Variants in NELL1 observed in about 807,000 individuals in gnomAD.
NELL1 encodes neural EGFL like 1.
A neutral mutation model predicts 107.4 loss-of-function variants in NELL1; 76 were observed. The observed-to-expected ratio is 0.71, with a 90% CI of 0.59 to 0.86. The LOEUF is 0.86. Ranked by LOEUF, NELL1 falls within the 40% of genes least tolerant of loss-of-function variation. The pLI, the probability that NELL1 is intolerant of heterozygous loss-of-function variation, is 0.00. For missense variants in NELL1, 1,024 were observed against 1,005.5 expected (o/e 1.02, Z -0.25); for synonymous variants, 353 against 341.2 (o/e 1.03, Z -0.38).
At chr11:21,145,922 C>T (rs1855968415) in intron 13 of NELL1, among the ~76,000 whole-genome samples, 1 of 152,144 alleles carries the variant, frequency 6.6e-6, no homozygotes, top group Non-Finnish European at 1.5e-5. Context: ...TTCCCTCATT[C>T]TATCTTCAGG....
At position 20,826,735 on chromosome 11, in the gene NELL1, C is replaced by T. The variant is rs981837316; in HGVS notation, c.336-20848C>T. ...TCCCTGAAGTTATTGCCATAAAAAC[C>T]CCTCCAAGCAAGAATCAGCCTTAGT... On this transcript the variant is annotated intron_variant, in intron 3 of 19. Transcript: ENST00000357134. 4.6e-5 allele frequency among the ~76,000 whole-genome samples: 7 copies of T among 151,006 alleles called. 1 individual carries two copies. The Admixed American group carries it at 4.7e-4, about 10-fold the overall frequency.
intron 15 of NELL1, among the ~76,000 whole-genome samples, chr11:21,465,901 T>C (rs1372558300): frequency 6.6e-6 from 1 of 152,080 alleles, no homozygotes; most frequent in African/African-American, 2.4e-5. Context: ...AGAGAAGTAT[T>C]TCTTATGCGT....
intron 13 of NELL1, among the ~76,000 whole-genome samples, chr11:21,226,067 T>C (rs1288095686): frequency 1.3e-5 from 2 of 152,192 alleles, no homozygotes; most frequent in Non-Finnish European, 2.9e-5. Context: ...TCATATCTTT[T>C]GCAGCATCCT....
intron 2 of NELL1, among the ~76,000 whole-genome samples, chr11:20,681,795 A>T (rs1304505156): frequency 6.6e-6 from 1 of 152,034 alleles, no homozygotes; most frequent in Non-Finnish European, 1.5e-5. Context: ...CTGAATATTC[A>T]TTCAGTTCAT....
chr11:21,338,623 C>T (rs530148775), intron 14 of NELL1, among the ~76,000 whole-genome samples: 11 of 152,108 alleles, frequency 7.2e-5, no homozygotes, highest in Non-Finnish European at 1.2e-4. Context: ...TCTGAATCCT[C>T]ATAAAATAGC....
chr11:21,455,312 C>CTTTTTTTTTTT (rs1564902597), intron 15 of NELL1, among the ~76,000 whole-genome samples: 4 of 93,372 alleles, frequency 4.3e-5, no homozygotes, highest in Non-Finnish European at 8.4e-5. Flanking sequence ...TTTTTTTTTT[C>CTTTTTTTTTTT]TTTTATTCTT....
chr11:20,722,013 G>GTC (rs202127814), intron 2 of NELL1, among the ~76,000 whole-genome samples: 1 of 110,828 alleles, frequency 9.0e-6, no homozygotes, highest in African/African-American at 2.8e-5. Flanking sequence ...ACCTTTCTGA[G>GTC]TCTCTCTTTT....
chr11:20,706,467 A>G (rs772105568), intron 2 of NELL1, among the ~76,000 whole-genome samples: 2 of 143,770 alleles, frequency 1.4e-5, no homozygotes, highest in Non-Finnish European at 3.0e-5. Context: ...GGATTGAACA[A>G]TGAGAACACA....
chr11:21,251,727 C>A (rs1265682268), intron 14 of NELL1, among the ~76,000 whole-genome samples: 1 of 151,990 alleles, frequency 6.6e-6, no homozygotes, highest in Non-Finnish European at 1.5e-5. Context: ...TGATCATAGT[C>A]CAGGTAAACT....
chr11:20,925,495 G>A (rs537337689), intron 7 of NELL1, among the ~76,000 whole-genome samples: 2 of 149,206 alleles, frequency 1.3e-5, no homozygotes, highest in South Asian at 4.3e-4. Context: ...CATGTTGGCT[G>A]GGTTGGTCTC....
chr11:20,989,866 G>A (rs530246048), intron 12 of NELL1, among the ~76,000 whole-genome samples: 398 of 152,012 alleles, frequency 2.6e-3, no homozygotes, highest in African/African-American at 9.0e-3. Flanking sequence ...GCATGGTGGC[G>A]GGCGCCTGTA....
At chr11:21,415,734 C>T (rs538518764) in intron 15 of NELL1, among the ~76,000 whole-genome samples, 7 of 152,054 alleles carry the variant, frequency 4.6e-5, no homozygotes, top group Non-Finnish European at 5.9e-5. Context: ...TTTGCTTAAA[C>T]TTAAGAGGTT....
At position 21,564,118 on chromosome 11, in the gene NELL1, A is replaced by G. The variant is rs149196505; in HGVS notation, c.1980+3736A>G. Among the ~76,000 whole-genome samples the G allele has an allele frequency of 3.9e-5, 6 of 152,074 alleles. No homozygotes were observed. In the East Asian group the frequency reaches 1.2e-3, roughly 30 times the overall value. Reference sequence around the variant, plus strand: ...ATCCTGTGGGCAGCAAATGATCGTAAGAGATTTTACGTTTGGAATTGGCAG... The same window carrying G: ...ATCCTGTGGGCAGCAAATGATCGTAGGAGATTTTACGTTTGGAATTGGCAG... On this transcript the variant is annotated intron_variant, in intron 17 of 19. Coordinates refer to ENST00000357134, the MANE Select transcript of NELL1 (RefSeq NM_006157.5).
chr11:21,147,942 G>A (rs1856023934), intron 13 of NELL1, among the ~76,000 whole-genome samples: 1 of 151,578 alleles, frequency 6.6e-6, no homozygotes, highest in South Asian at 2.1e-4. Context: ...CATTAGCAGA[G>A]GTACCCTAAT....
chr11:21,393,138 T>C (rs1332146874), intron 15 of NELL1, among the ~76,000 whole-genome samples: 4 of 151,592 alleles, frequency 2.6e-5, no homozygotes, highest in Admixed American at 6.6e-5. Context: ...TAAAGGGAAA[T>C]ATAGTGCATA....
chr11:21,318,873 C>T (rs530358614), intron 14 of NELL1, among the ~76,000 whole-genome samples: 1 of 152,136 alleles, frequency 6.6e-6, no homozygotes, highest in African/African-American at 2.4e-5. Context: ...AAAATCCCGA[C>T]TCTAGTTCTT....
chr11:20,952,392 A>G lies in NELL1; in HGVS notation c.1171+4957A>G, dbSNP rs575446648. Among the ~76,000 whole-genome samples the G allele has an allele frequency of 7.5e-4, 115 of 152,324 alleles. 1 individual carries two copies. The highest frequency in any genetic ancestry group is 1.5e-3 in the Non-Finnish European group (105 of 68,026). On this transcript the variant is annotated intron_variant, in intron 11 of 19. Transcript: ENST00000357134. ...GTTAAAGATTTTATGTCCTTCAATTAAACCCTCCCTAAGAGTCTTGGCATC... is the reference window on the plus strand; with the variant it reads ...GTTAAAGATTTTATGTCCTTCAATTGAACCCTCCCTAAGAGTCTTGGCATC...
chr11:21,011,813 TTTTG>T (rs1852452919), intron 12 of NELL1, among the ~76,000 whole-genome samples: 1 of 152,282 alleles, frequency 6.6e-6, no homozygotes, highest in South Asian at 2.1e-4. Flanking sequence ...CTCACTGATC[TTTTG>T]TTCCTCGCCT....
intron 5 of NELL1, among the ~76,000 whole-genome samples, chr11:20,916,166 A>G (rs954486513): frequency 1.1e-4 from 17 of 151,838 alleles, no homozygotes; most frequent in African/African-American, 4.1e-4. Context: ...TTTTTGTGTT[A>G]ATGAGCATTG....
Sources: gnomAD v4.1 joint callset for allele counts (sites outside exome capture counted in the v4.1 genomes callset) on GRCh38, gnomAD v4.1.1 for gene constraint, MANE v1.5 for transcripts, NCBI Gene and HGNC (gene_info 2026-07-23, HGNC 2026-07-21) for gene names.